EPS15: variants seen among roughly 807,000 people sequenced by gnomAD.
The protein encoded by EPS15 is epidermal growth factor receptor pathway substrate 15.
A neutral mutation model predicts 113.8 loss-of-function variants in EPS15; 72 were observed. That is an observed-to-expected ratio of 0.63 (90% CI 0.52 to 0.77). The LOEUF (loss-of-function observed/expected upper bound fraction) is 0.77. EPS15 is among the 30% of genes least tolerant of loss of function. The pLI is 0.00. For missense variants in EPS15, 1,048 were observed against 1,045.8 expected, an observed-to-expected ratio of 1.00 and a Z score of -0.03; for synonymous variants, 344 against 363.4, an observed-to-expected ratio of 0.95 and a Z score of 0.61.
intron 12 of EPS15, among the ~76,000 whole-genome samples, chr1:51,426,833 C>CTA (rs1331578197): frequency 3.6e-5 from 5 of 140,550 alleles, no homozygotes; most frequent in African/African-American, 5.6e-5. Flanking sequence ...CTCTCTCTCT[C>CTA]TCTCTATATA....
chr1:51,433,422 T>C (rs1007128924), intron 12 of EPS15, among the ~76,000 whole-genome samples: 4 of 152,374 alleles, frequency 2.6e-5, no homozygotes, highest in South Asian at 4.1e-4. Context: ...TAGTTAAGTA[T>C]ATCCAGGTCA....
At chr1:51,512,613 G>A (rs954423882) in intron 1 of EPS15, among the ~76,000 whole-genome samples, 2 of 151,738 alleles carry the variant, frequency 1.3e-5, no homozygotes, top group Non-Finnish European at 2.9e-5. Flanking sequence ...CAAGAGAACA[G>A]GTAAAAGACT....
At chr1:51,391,127 T>C (rs974488101) in intron 21 of EPS15, among the ~76,000 whole-genome samples, 1 of 152,160 alleles carries the variant, frequency 6.6e-6, no homozygotes, top group Non-Finnish European at 1.5e-5. Flanking sequence ...TGGAATACTA[T>C]GGAGCCATAA....
At chr1:51,377,203 G>T (rs542598379) in intron 21 of EPS15, among the ~76,000 whole-genome samples, 1 of 152,304 alleles carries the variant, frequency 6.6e-6, no homozygotes, top group Non-Finnish European at 1.5e-5. Flanking sequence ...GGCGGAAGTT[G>T]CAATGAGCCG....
chr1:51,507,904 G>A (rs1044450695), intron 1 of EPS15, among the ~76,000 whole-genome samples: 3 of 151,982 alleles, frequency 2.0e-5, no homozygotes, highest in African/African-American at 7.3e-5. Flanking sequence ...TAGGCCCAAC[G>A]CGGTGGCTCA....
intron 12 of EPS15, among the ~76,000 whole-genome samples, chr1:51,438,564 T>C (rs903724901): frequency 1.1e-4 from 16 of 152,166 alleles, no homozygotes; most frequent in African/African-American, 3.9e-4. Flanking sequence ...GGTGTATGTA[T>C]CCATTTTCAT....
rs1334212204 is a variant in EPS15 at position 51,458,903 on chromosome 1, C to T, written c.561+2188G>A. Reference sequence around the variant, plus strand: ...CATCACCGAAATCTCTTCAGCACGGCCCCATTCCCAAAAGCATCCCACAAA... The same window carrying T: ...CATCACCGAAATCTCTTCAGCACGGTCCCATTCCCAAAAGCATCCCACAAA... On this transcript the variant is annotated intron_variant, in intron 8 of 24. Transcript: ENST00000371733. The T allele has an allele frequency of 1.9e-5, 3 of 158,136 alleles. No individual in the cohort carries two copies. The Admixed American group carries it at 1.9e-4, about 10-fold the overall frequency. 9.8% of individuals were successfully genotyped at this position (158,136 alleles called of 1,614,324 possible).
intron 21 of EPS15, 94 bp from the exon 22 acceptor site, chr1:51,366,123 A>G (rs1261312324): frequency 1.3e-6 from 1 of 786,068 alleles, no homozygotes; most frequent in African/African-American, 1.7e-5. Context: ...CCTCAAGAGC[A>G]GTGGTACGAT....
intron 11 of EPS15, among the ~76,000 whole-genome samples, chr1:51,443,944 G>T (rs1363888394): frequency 6.6e-6 from 1 of 152,006 alleles, no homozygotes; most frequent in Admixed American, 6.6e-5. Flanking sequence ...CACTGTGCTT[G>T]GTCCCAATTT....
intron 8 of EPS15, among the ~76,000 whole-genome samples, chr1:51,456,977 G>A (rs1456878749): frequency 6.6e-6 from 1 of 151,972 alleles, no homozygotes; most frequent in Non-Finnish European, 1.5e-5. Context: ...ATGTTCTAAG[G>A]TCTTCTGGAA....
Position 51,392,688 on chromosome 1 carries a change from A to G in EPS15, c.2119+1693T>C, listed in dbSNP as rs759187554. Among the ~76,000 whole-genome samples the G allele has an allele frequency of 3.6e-4, 55 of 152,270 alleles. 1 individual carries two copies. Among genetic ancestry groups the G allele is most frequent in the Middle Eastern group, 3.4e-3 (1 of 294 alleles). ...TTTTTGCTCCACATAATCTCTTTCCATATTTACCTGCTAAAATACTAGCCC... is the reference window on the plus strand; with the variant it reads ...TTTTTGCTCCACATAATCTCTTTCCGTATTTACCTGCTAAAATACTAGCCC... On this transcript the variant is annotated intron_variant, in intron 21 of 24. Coordinates refer to ENST00000371733, the MANE Select transcript of EPS15 (RefSeq NM_001981.3).
intron 12 of EPS15, among the ~76,000 whole-genome samples, chr1:51,424,088 A>C (rs1392031411): frequency 6.6e-6 from 1 of 152,220 alleles, no homozygotes; most frequent in Non-Finnish European, 1.5e-5. Context: ...TATCTAATAA[A>C]ATTCTGGTCT....
chr1:51,448,681 A>T (rs1165495923), intron 8 of EPS15, among the ~76,000 whole-genome samples: 1 of 152,186 alleles, frequency 6.6e-6, no homozygotes, highest in Middle Eastern at 3.2e-3. Context: ...TGTTAGCTAA[A>T]CTGTGGGGAA....
intron 12 of EPS15, chr1:51,423,226 C>T: frequency 7.8e-7 from 1 of 1,288,884 alleles, no homozygotes; most frequent in Non-Finnish European, 1.0e-6. Flanking sequence ...AGATGGGTCG[C>T]AATGTGGGTC....
In EPS15 at chr1:51,424,712, T is replaced by A. The variant is rs1374634048; in HGVS notation, c.1041-2854A>T. Among the ~76,000 whole-genome samples, 3 of 152,000 alleles carry A rather than the reference T, an allele frequency of 2.0e-5. No individual in the cohort carries two copies. The East Asian group carries it at 5.8e-4, about 29-fold the overall frequency. On this transcript the variant is annotated intron_variant, in intron 12 of 24. Coordinates refer to ENST00000371733, the MANE Select transcript of EPS15 (RefSeq NM_001981.3). Reference sequence around the variant, plus strand: ...TGAGGTGAGGAGTTCGAGACCAGCCTGGCCAATGTGGTAAACCCTGTCTCT... The same window carrying A: ...TGAGGTGAGGAGTTCGAGACCAGCCAGGCCAATGTGGTAAACCCTGTCTCT...
intron 1 of EPS15, among the ~76,000 whole-genome samples, chr1:51,486,908 G>A (rs1006743699): frequency 1.3e-5 from 2 of 152,054 alleles, no homozygotes; most frequent in Admixed American, 6.6e-5. Flanking sequence ...GACCTCAGGT[G>A]ATCCATCTGC....
rs144030750 is a variant in EPS15, at chr1:51,403,512, T to C, written c.1698A>G (p.Leu566=). The part of the protein sequence containing the change: ...QESPARSSPE[L]LPSGVTDENE... ...TTTCATCAGTCACACCAGAAGGCAG[T>C]AGTTCAGGACTACTTCTTGCCTACA... Residue 566 remains leucine, a synonymous_variant, in exon 17 of 25, where the codon CTA becomes CTG. Coordinates refer to ENST00000371733, the MANE Select transcript of EPS15 (RefSeq NM_001981.3). The C allele has an allele frequency of 6.2e-6, 10 of 1,603,322 alleles. No homozygotes were observed. Among genetic ancestry groups the C allele is most frequent in the Non-Finnish European group, 4.3e-6 (5 of 1,173,750 alleles).
At chr1:51,392,915 C>T (rs574595128) in intron 21 of EPS15, among the ~76,000 whole-genome samples, 24 of 152,108 alleles carry the variant, frequency 1.6e-4, no homozygotes, top group Non-Finnish European at 3.4e-4. Flanking sequence ...TCTATAGTAC[C>T]CCTAGCAATA....
Position 51,399,097 on chromosome 1 carries a change from T to C in EPS15, c.1987A>G (p.Thr663Ala), listed in dbSNP as rs1249689537. 1.1e-5 allele frequency: 17 copies of C among 1,613,738 alleles called. No individual in the cohort carries two copies. The highest frequency in any genetic ancestry group is 8.3e-5 in the Admixed American group (5 of 60,006). ...GTGCTTGAAGTGGCAAAAGGATCAG[T>C]AGATTGCCTGAAGAAACAGTCTGAT... ...FASDCFFRQSTDPFATSSTDP... is the reference protein window; with the variant it reads ...FASDCFFRQSADPFATSSTDP... The change falls in exon 20 of 25, where the codon ACT becomes GCT. Residue 663 changes from threonine (T) to alanine (A), a missense_variant. Thr to Ala is a moderately conservative substitution (Grantham distance 58, BLOSUM62 0). Transcript: ENST00000371733.
Sources: allele counts gnomAD v4.1 joint callset (sites outside exome capture counted in the v4.1 genomes callset), GRCh38; gene constraint gnomAD v4.1.1; transcripts MANE v1.5; gene names NCBI Gene and HGNC (gene_info 2026-07-23, HGNC 2026-07-21).